Variants in DLG2 observed in about 807,000 individuals in gnomAD.
The protein encoded by DLG2 is disks large homolog 2.
In DLG2, 45 loss-of-function variants were observed where a neutral mutation model predicts 132.5. The observed-to-expected ratio is 0.34, with a 90% CI of 0.27 to 0.44. The LOEUF (loss-of-function observed/expected upper bound fraction) is 0.44. Among genes scored for constraint, DLG2 ranks in the 20% least tolerant of loss-of-function variants. The pLI, the probability that DLG2 is intolerant of heterozygous loss-of-function variation, is 1.00. For synonymous variants in DLG2, 424 were observed against 419.6 expected, an observed-to-expected ratio of 1.01 and a Z score of -0.13; for missense variants, 1,045 against 1,196.9, an observed-to-expected ratio of 0.87 and a Z score of 1.87.
intron 6 of DLG2, among the ~76,000 whole-genome samples, chr11:84,848,001 T>C (rs1485948755): frequency 6.6e-6 from 1 of 152,152 alleles, no homozygotes; most frequent in Non-Finnish European, 1.5e-5. Flanking sequence ...ATGAGGAAGC[T>C]ACTCAACTGT....
chr11:85,046,766 GC>G (rs1217748719), intron 6 of DLG2, among the ~76,000 whole-genome samples: 18 of 151,550 alleles, frequency 1.2e-4, no homozygotes, highest in African/African-American at 4.1e-4. Context: ...TAAATTTCAT[GC>G]AGCCTAACTA....
intron 6 of DLG2, among the ~76,000 whole-genome samples, chr11:85,037,878 T>A (rs1262279968): frequency 6.6e-6 from 1 of 152,156 alleles, no homozygotes; most frequent in Non-Finnish European, 1.5e-5. Context: ...TCTTAAAATA[T>A]CAAACAATAA....
chr11:84,976,237 T>G (rs982346831), intron 6 of DLG2, among the ~76,000 whole-genome samples: 3 of 152,184 alleles, frequency 2.0e-5, no homozygotes, highest in Non-Finnish European at 2.9e-5. Context: ...CAATGGGAAG[T>G]TGATACATGT....
At chr11:84,732,335 T>C (rs972618027) in intron 6 of DLG2, among the ~76,000 whole-genome samples, 1 of 152,076 alleles carries the variant, frequency 6.6e-6, no homozygotes, top group Non-Finnish European at 1.5e-5. Context: ...TTTAAGAAAC[T>C]GTTAAATTGA....
intron 18 of DLG2, among the ~76,000 whole-genome samples, chr11:83,633,983 A>AC (rs2064143067): frequency 6.6e-6 from 1 of 151,744 alleles, no homozygotes; most frequent in Admixed American, 6.6e-5. Context: ...ACAAAAAAAA[A>AC]CTCCATGGGA....
intron 6 of DLG2, among the ~76,000 whole-genome samples, chr11:84,749,776 G>C (rs906037752): frequency 6.6e-6 from 1 of 152,112 alleles, no homozygotes; most frequent in African/African-American, 2.4e-5. Context: ...TCTTCCCAGG[G>C]AGAAAGTTAA....
At chr11:85,288,374 AT>A (rs1294728226) in intron 3 of DLG2, among the ~76,000 whole-genome samples, 2 of 152,108 alleles carry the variant, frequency 1.3e-5, no homozygotes, top group Non-Finnish European at 2.9e-5. Flanking sequence ...TCTTTCCCAG[AT>A]TTTTTTAATA....
chr11:83,919,732 G>T (rs945922357), intron 15 of DLG2, among the ~76,000 whole-genome samples: 18 of 152,272 alleles, frequency 1.2e-4, no homozygotes, highest in African/African-American at 4.1e-4. Flanking sequence ...AAATATAGAG[G>T]TTGGACTAAA....
intron 17 of DLG2, among the ~76,000 whole-genome samples, chr11:83,788,235 TC>T (rs1306092932): frequency 6.6e-6 from 1 of 152,236 alleles, no homozygotes; most frequent in Non-Finnish European, 1.5e-5. Flanking sequence ...GCCTGGGACA[TC>T]CATACGCTTA....
At chr11:84,758,706 A>G (rs899379523) in intron 6 of DLG2, among the ~76,000 whole-genome samples, 1 of 152,184 alleles carries the variant, frequency 6.6e-6, no homozygotes, top group African/African-American at 2.4e-5. Flanking sequence ...ATTCAAATTA[A>G]TATTACATAA....
chr11:84,312,271 C>A (rs1004704925), intron 7 of DLG2, among the ~76,000 whole-genome samples: 2 of 152,098 alleles, frequency 1.3e-5, no homozygotes, highest in African/African-American at 4.8e-5. Flanking sequence ...GAGTTTGAGA[C>A]CAGACTGGCC....
chr11:83,880,303 G>A (rs1441600455), intron 15 of DLG2, among the ~76,000 whole-genome samples: 2 of 152,054 alleles, frequency 1.3e-5, no homozygotes, highest in African/African-American at 4.8e-5. Context: ...CTATAGTCAG[G>A]GAGACTAATA....
chr11:84,900,192 T>C (rs1274894463), intron 6 of DLG2, among the ~76,000 whole-genome samples: 1 of 152,126 alleles, frequency 6.6e-6, no homozygotes, highest in African/African-American at 2.4e-5. Flanking sequence ...AACTTTTCTT[T>C]CTGGTAAGCA....
chr11:85,350,867 G>A (rs1033236734), intron 3 of DLG2, among the ~76,000 whole-genome samples: 8 of 152,098 alleles, frequency 5.3e-5, no homozygotes, highest in African/African-American at 1.7e-4. Flanking sequence ...TGTTCTTTTG[G>A]CTTAGGATTG....
chr11:83,885,489 G>C (rs1485307978), intron 15 of DLG2, among the ~76,000 whole-genome samples: 1 of 152,256 alleles, frequency 6.6e-6, no homozygotes, highest in Non-Finnish European at 1.5e-5. Flanking sequence ...ACCTGAAAGT[G>C]ACGAGGAGAA....
rs2074589449 is a variant in DLG2 at position 85,220,861 on chromosome 11, C to T, written c.186+64359G>A. On this transcript the variant is annotated intron_variant, in intron 4 of 27. Transcript: ENST00000376104. ...TTTTACCATATCACTCTATATATGA[C>T]ACTTGATTTATCACAATTTGTCTTG... Among the ~76,000 whole-genome samples, 5 of 151,820 alleles carry T rather than the reference C, an allele frequency of 3.3e-5. No individual in the cohort carries two copies. The South Asian group carries it at 1.0e-3, about 31-fold the overall frequency.
chr11:84,438,493 A>C (rs564594135), intron 7 of DLG2, among the ~76,000 whole-genome samples: 2 of 152,036 alleles, frequency 1.3e-5, no homozygotes, highest in East Asian at 1.9e-4. Flanking sequence ...AAATAAAAAA[A>C]CCCAGGTTTT....
intron 3 of DLG2, among the ~76,000 whole-genome samples, chr11:85,526,665 C>T (rs1357523104): frequency 6.6e-6 from 1 of 152,076 alleles, no homozygotes; most frequent in Non-Finnish European, 1.5e-5. Flanking sequence ...CTAAGGGAAA[C>T]TCTGATTGCT....
chr11:84,713,057 A>G (rs2060625068), intron 6 of DLG2, among the ~76,000 whole-genome samples: 2 of 152,140 alleles, frequency 1.3e-5, no homozygotes, highest in African/African-American at 4.8e-5. Flanking sequence ...TTCTTGTACA[A>G]TAAAACTGAC....
Sources: gnomAD v4.1 joint callset for allele counts (sites outside exome capture counted in the v4.1 genomes callset) on GRCh38, gnomAD v4.1.1 for gene constraint, MANE v1.5 for transcripts, NCBI Gene and HGNC (gene_info 2026-07-23, HGNC 2026-07-21) for gene names.